SLC7A14: variants seen among roughly 807,000 people sequenced by gnomAD.
SLC7A14 encodes the protein gamma-aminobutyric acid transporter SLC7A14.
In SLC7A14, 37 loss-of-function variants were observed where a neutral mutation model predicts 60.2. That is an observed-to-expected ratio of 0.61 (90% CI 0.47 to 0.81). The LOEUF (loss-of-function observed/expected upper bound fraction) is 0.81. Among genes scored for constraint, SLC7A14 ranks in the 30% least tolerant of loss-of-function variants. The probability of loss-of-function intolerance (pLI) is 0.00; values close to 1 mark genes in which losing one functional copy is unlikely to be tolerated. For missense variants in SLC7A14, 886 were observed against 982.7 expected (o/e 0.90, Z 1.32); for synonymous variants, 399 against 395.8 (o/e 1.01, Z -0.10).
chr3:170,543,032 C>G (rs1714067365), intron 1 of SLC7A14, among the ~76,000 whole-genome samples: 1 of 152,150 alleles, frequency 6.6e-6, no homozygotes, highest in Admixed American at 6.5e-5. Context: ...CAAACCTGAA[C>G]AAGAATAAAA....
intron 4 of SLC7A14, among the ~76,000 whole-genome samples, chr3:170,496,888 G>T (rs1712415865): frequency 6.6e-6 from 1 of 152,042 alleles, no homozygotes; most frequent in African/African-American, 2.4e-5. Context: ...CAAGTGAAGA[G>T]CTGCGGCAGT....
intron 2 of SLC7A14, among the ~76,000 whole-genome samples, chr3:170,524,069 G>C (rs1713419882): frequency 6.6e-6 from 1 of 152,128 alleles, no homozygotes; most frequent in Non-Finnish European, 1.5e-5. Flanking sequence ...GGAGAGGTAG[G>C]GTTTTTTCTT....
At chr3:170,496,258 C>T in intron 4 of SLC7A14, 1 of 953,538 alleles carries the variant, frequency 1.0e-6, no homozygotes, top group South Asian at 1.3e-5. Context: ...CGCAGCTGGG[C>T]TGAGGCTGAG....
At position 170,467,220 on chromosome 3, in the gene SLC7A14, C is replaced by T. The variant is rs1363321421; in HGVS notation, c.2151G>A (p.Gln717=). The change falls in exon 8 of 8, where the codon CAG becomes CAA. Residue 717 remains glutamine (Q), a synonymous_variant. Transcript: ENST00000231706. ...CTTCAGTGGGCCCGCCCCAGTCCTC[C>T]TGGCTCTCGCCCTCTGTGGCGTAGG... ...GFSYATEGES[Q]EDWGGPTEDK... 9 of 1,614,270 alleles carry T rather than the reference C, an allele frequency of 5.6e-6. No homozygotes were observed. The Admixed American group carries it at 1.5e-4, about 27-fold the overall frequency.
chr3:170,459,910 A>G lies in SLC7A14; in HGVS notation c.*7145T>C, dbSNP rs1560242712. 3 of 152,238 alleles carry G rather than the reference A, an allele frequency of 2.0e-5. No individual in the cohort carries two copies. Among genetic ancestry groups the G allele is most frequent in the South Asian group, 2.1e-4 (1 of 4,836 alleles). The allele number at this position is 152,238 out of a possible 1,614,324, so 9.4% of individuals were successfully genotyped here. A position where few individuals can be genotyped will look rare whatever the true frequency, so the allele number is the denominator to read the frequency against. ...CCATTTTTAAATTTAAAGGCACACAATAAAGCTTTATGCATTTATTAAAAT... is the reference window on the plus strand; with the variant it reads ...CCATTTTTAAATTTAAAGGCACACAGTAAAGCTTTATGCATTTATTAAAAT... On this transcript the variant is annotated 3_prime_UTR_variant, in exon 8 of 8. Coordinates refer to ENST00000231706, the MANE Select transcript of SLC7A14 (RefSeq NM_020949.3).
intron 1 of SLC7A14, among the ~76,000 whole-genome samples, chr3:170,531,945 G>C (rs1713690888): frequency 6.6e-6 from 1 of 152,184 alleles, no homozygotes; most frequent in Non-Finnish European, 1.5e-5. Context: ...AATTACAGTT[G>C]AGTAGTTCAC....
intron 1 of SLC7A14, among the ~76,000 whole-genome samples, chr3:170,558,290 C>T (rs150035440): frequency 0.046 from 6,974 of 152,200 alleles, 238 homozygotes; most frequent in South Asian, 0.081. Flanking sequence ...ATCGCTTGAA[C>T]CCGGGAAGCA....
chr3:170,470,139 A>G (rs1253728149), intron 7 of SLC7A14, among the ~76,000 whole-genome samples: 1 of 152,216 alleles, frequency 6.6e-6, no homozygotes, highest in Non-Finnish European at 1.5e-5. Context: ...GGGTCTGAGA[A>G]GGAGAGGAAC....
intron 2 of SLC7A14, among the ~76,000 whole-genome samples, chr3:170,509,273 G>A (rs917323436): frequency 2.1e-4 from 32 of 152,170 alleles, no homozygotes; most frequent in African/African-American, 7.5e-4. Context: ...CAGGCGCCAG[G>A]TGGACAGTAA....
intron 1 of SLC7A14, among the ~76,000 whole-genome samples, chr3:170,549,756 T>C (rs945258425): frequency 1.3e-5 from 2 of 152,216 alleles, no homozygotes; most frequent in Non-Finnish European, 2.9e-5. Flanking sequence ...CTCCACATTT[T>C]ACTTTTTTAA....
At chr3:170,487,650 C>A (rs1712076669) in intron 4 of SLC7A14, among the ~76,000 whole-genome samples, 1 of 152,172 alleles carries the variant, frequency 6.6e-6, no homozygotes, top group East Asian at 1.9e-4. Context: ...AATTAAAGAT[C>A]TTCTCAAACC....
chr3:170,487,692 G>A (rs143241995), intron 4 of SLC7A14, among the ~76,000 whole-genome samples: 37 of 152,272 alleles, frequency 2.4e-4, no homozygotes, highest in African/African-American at 6.7e-4. Flanking sequence ...TCTGTAAAAT[G>A]AGCTGGTGTT....
chr3:170,539,841 A>G (rs1408172337), intron 1 of SLC7A14, among the ~76,000 whole-genome samples: 1 of 152,204 alleles, frequency 6.6e-6, no homozygotes, highest in Non-Finnish European at 1.5e-5. Context: ...CTATATGTAC[A>G]TACCTATGAT....
At chr3:170,569,180 A>G (rs1271026705) in intron 1 of SLC7A14, among the ~76,000 whole-genome samples, 5 of 152,086 alleles carry the variant, frequency 3.3e-5, no homozygotes, top group East Asian at 1.9e-4. Context: ...TTTGAGATAC[A>G]TCCCATCAAT....
At chr3:170,486,684 C>A (rs1043598213) in intron 4 of SLC7A14, among the ~76,000 whole-genome samples, 11 of 151,950 alleles carry the variant, frequency 7.2e-5, no homozygotes, top group African/African-American at 2.7e-4. Flanking sequence ...ACAGCCTTAC[C>A]AACATGGTGA....
chr3:170,509,071 T>G (rs550556233), intron 2 of SLC7A14, among the ~76,000 whole-genome samples: 1 of 152,074 alleles, frequency 6.6e-6, no homozygotes, highest in African/African-American at 2.4e-5. Flanking sequence ...TTTCAGGGAG[T>G]GATTGGTCAG....
In SLC7A14 at chr3:170,466,750, C is replaced by A. The variant is rs760842889; in HGVS notation, c.*305G>T. The A allele has an allele frequency of 1.1e-4, 26 of 241,952 alleles. No individual in the cohort carries two copies. Among genetic ancestry groups the A allele is most frequent in the Non-Finnish European group, 1.7e-4 (21 of 125,096 alleles). The allele number at this position is 241,952 out of a possible 1,614,324, so 15.0% of individuals were successfully genotyped here. On this transcript the variant is annotated 3_prime_UTR_variant, in exon 8 of 8. Transcript: ENST00000231706. ...CCTGCTTGGGCTTCAACCAGCAAAG[C>A]AAAGGCCTAGGAAACATTTGGTACC...
chr3:170,543,293 A>G (rs1353080059), intron 1 of SLC7A14, among the ~76,000 whole-genome samples: 1 of 152,106 alleles, frequency 6.6e-6, no homozygotes, highest in African/African-American at 2.4e-5. Flanking sequence ...GCCCAAGGAG[A>G]GGCCATTTTA....
At chr3:170,524,415 T>A (rs6805955) in intron 2 of SLC7A14, among the ~76,000 whole-genome samples, 55,934 of 152,088 alleles carry the variant, frequency 0.37, 11,271 homozygotes, top group South Asian at 0.49. Flanking sequence ...TGGGGGTAGG[T>A]GGCAGGCTCT....
Sources: allele counts gnomAD v4.1 joint callset (sites outside exome capture counted in the v4.1 genomes callset), GRCh38; gene constraint gnomAD v4.1.1; transcripts MANE v1.5; gene names NCBI Gene and HGNC (gene_info 2026-07-23, HGNC 2026-07-21).